OTUD7A: variants seen among roughly 807,000 people sequenced by gnomAD.
OTUD7A encodes OTU deubiquitinase 7A, also known as OTU domain-containing protein 7A.
A neutral mutation model predicts 65.7 loss-of-function variants in OTUD7A; 12 were observed. The observed-to-expected ratio is 0.18, with a 90% CI of 0.12 to 0.30. The LOEUF is 0.30. Ranked by LOEUF, OTUD7A falls within the 10% of genes least tolerant of loss-of-function variation. The pLI is 1.00. For synonymous variants in OTUD7A, 641 were observed against 586.3 expected (o/e 1.09, Z -1.35); for missense variants, 1,148 against 1,304.8 (o/e 0.88, Z 1.85).
chr15:31,624,820 T>C (rs1441537669), intron 3 of OTUD7A, among the ~76,000 whole-genome samples: 1 of 152,186 alleles, frequency 6.6e-6, no homozygotes, highest in Non-Finnish European at 1.5e-5. Flanking sequence ...ATGGGCTCCA[T>C]GCTGCTCCTA....
chr15:31,823,676 TG>T (rs1045017186), intron 1 of OTUD7A, among the ~76,000 whole-genome samples: 2 of 152,194 alleles, frequency 1.3e-5, no homozygotes, highest in African/African-American at 4.8e-5. Flanking sequence ...ACAAGGATCT[TG>T]GCTGTGAACT....
chr15:31,609,261 C>A (rs901992744), intron 3 of OTUD7A, among the ~76,000 whole-genome samples: 4 of 152,196 alleles, frequency 2.6e-5, no homozygotes, highest in South Asian at 2.1e-4. Flanking sequence ...CGTGTAGCCT[C>A]CACAGGATGG....
chr15:31,610,618 T>TATATATATATATA (rs1555401191), intron 3 of OTUD7A, among the ~76,000 whole-genome samples: 3 of 11,846 alleles, frequency 2.5e-4, no homozygotes, highest in Admixed American at 1.4e-3. Context: ...TATATATATA[T>TATATATATATATA]TTTTTTTTTT....
intron 1 of OTUD7A, among the ~76,000 whole-genome samples, chr15:31,717,192 T>C (rs865981935): frequency 1.3e-5 from 2 of 152,156 alleles, no homozygotes; most frequent in African/African-American, 4.8e-5. Context: ...GTTTCTAATC[T>C]AGTTTTTGAA....
chr15:31,631,976 A>G (rs1566952444), intron 3 of OTUD7A, among the ~76,000 whole-genome samples: 2 of 151,902 alleles, frequency 1.3e-5, no homozygotes, highest in Non-Finnish European at 2.9e-5. Flanking sequence ...TGATTATTCT[A>G]GTTATCCATT....
intron 10 of OTUD7A, among the ~76,000 whole-genome samples, chr15:31,491,941 CAT>C (rs1410582789): frequency 6.6e-6 from 1 of 151,304 alleles, no homozygotes; most frequent in Non-Finnish European, 1.5e-5. Context: ...ATGAAGAAGA[CAT>C]AAAGAGTTTT....
At chr15:31,834,900 C>G (rs2140987286) in intron 1 of OTUD7A, among the ~76,000 whole-genome samples, 1 of 152,244 alleles carries the variant, frequency 6.6e-6, no homozygotes, top group South Asian at 2.1e-4. Context: ...TAGATGCTGG[C>G]AAGACAAATG....
intron 8 of OTUD7A, among the ~76,000 whole-genome samples, chr15:31,525,315 A>G (rs1811039370): frequency 6.6e-6 from 1 of 152,246 alleles, no homozygotes; most frequent in South Asian, 2.1e-4. Flanking sequence ...GACTGTTGGT[A>G]TGGACATAAC....
At position 31,652,522 on chromosome 15, in the gene OTUD7A, GC is replaced by G. The variant is rs1329937218; in HGVS notation, c.151+2573del. Among the ~76,000 whole-genome samples, 11 of 152,238 alleles carry G rather than the reference GC, an allele frequency of 7.2e-5. No individual in the cohort carries two copies. In the East Asian group the frequency reaches 2.1e-3, roughly 29 times the overall value. Reference sequence around the variant, plus strand: ...AATTTAAAACTGTGCCCTGTAAAAGGCCCTGTTAAGAGACTGAAAAGTCAAG... The same window carrying G: ...AATTTAAAACTGTGCCCTGTAAAAGGCCTGTTAAGAGACTGAAAAGTCAAG... On this transcript the variant is annotated intron_variant, in intron 3 of 12. Transcript: ENST00000307050.
At chr15:31,667,006 T>TTTAATTTTC (rs1264936445) in intron 1 of OTUD7A, among the ~76,000 whole-genome samples, 1 of 152,212 alleles carries the variant, frequency 6.6e-6, no homozygotes, top group Non-Finnish European at 1.5e-5. Context: ...CTTGATATAC[T>TTTAATTTTC]TTAATTTTCT....
At chr15:31,520,444 G>A (rs1317479499) in intron 8 of OTUD7A, among the ~76,000 whole-genome samples, 1 of 152,110 alleles carries the variant, frequency 6.6e-6, no homozygotes. Context: ...ATTGCATAGC[G>A]ATATGCAGAA....
At chr15:31,539,102 C>T (rs915392827) in intron 5 of OTUD7A, among the ~76,000 whole-genome samples, 2 of 152,316 alleles carry the variant, frequency 1.3e-5, no homozygotes, top group South Asian at 4.1e-4. Context: ...AGACTTCTGA[C>T]TTGTTATTCC....
intron 1 of OTUD7A, among the ~76,000 whole-genome samples, chr15:31,690,898 C>G (rs2654100): frequency 0.24 from 35,947 of 151,942 alleles, 4,584 homozygotes; most frequent in African/African-American, 0.32. Flanking sequence ...ATGACACCAC[C>G]AAAAGAACAG....
rs938603548 is a variant in OTUD7A at position 31,498,040 on chromosome 15, G to T, written c.1171+3650C>A. Among the ~76,000 whole-genome samples the T allele has an allele frequency of 1.3e-5, 2 of 152,176 alleles. No individual in the cohort carries two copies. Among genetic ancestry groups the T allele is most frequent in the Non-Finnish European group, 2.9e-5 (2 of 68,038 alleles). The stretch of plus-strand genomic sequence containing the variant: ...GGCCGAGAGCTAACATGTACACATG[G>T]GTATGCTCTGCACGGCTCTATATCC... On this transcript the variant is annotated intron_variant, in intron 10 of 12. Transcript: ENST00000307050. This position sits in a 1 kb window ranked among gnomAD's most constrained non-coding sequence, Gnocchi z 4.2.
intron 7 of OTUD7A, 97 bp downstream of exon 7, chr15:31,527,084 C>A (rs2042024905): frequency 6.5e-7 from 1 of 1,535,134 alleles, no homozygotes; most frequent in Non-Finnish European, 8.8e-7. Context: ...CCTCATAAGA[C>A]TGTCTGGGGC....
intron 5 of OTUD7A, among the ~76,000 whole-genome samples, chr15:31,546,097 G>C (rs1393552678): frequency 3.3e-5 from 5 of 152,146 alleles, no homozygotes; most frequent in Non-Finnish European, 5.9e-5. Flanking sequence ...AATGTGAGTA[G>C]GTTATATGCA....
chr15:31,782,971 G>A (rs775485384), intron 1 of OTUD7A, among the ~76,000 whole-genome samples: 4 of 152,160 alleles, frequency 2.6e-5, no homozygotes, highest in African/African-American at 9.7e-5. Context: ...ATTTAAAGCC[G>A]TGGAACTTGA....
chr15:31,553,635 C>T (rs1241676262), intron 5 of OTUD7A, among the ~76,000 whole-genome samples: 3 of 151,950 alleles, frequency 2.0e-5, no homozygotes, highest in Admixed American at 6.6e-5. Context: ...CCCCCATATT[C>T]AGGGTAACAT....
At chr15:31,544,369 T>G (rs181048973) in intron 5 of OTUD7A, among the ~76,000 whole-genome samples, 89 of 151,520 alleles carry the variant, frequency 5.9e-4, no homozygotes, top group African/African-American at 2.0e-3. Flanking sequence ...AGGGAGAAAA[T>G]AATATAGATC....
Sources: gnomAD v4.1 joint callset for allele counts (sites outside exome capture counted in the v4.1 genomes callset) on GRCh38, gnomAD v4.1.1 for gene constraint, Gnocchi (gnomAD v3.1) non-coding constraint, MANE v1.5 for transcripts, NCBI Gene and HGNC (gene_info 2026-07-23, HGNC 2026-07-21) for gene names.